NEBL: variants seen among roughly 807,000 people sequenced by gnomAD.
NEBL encodes the protein nebulette, also known as LIM and SH3 protein 2.
A neutral mutation model predicts 140.2 loss-of-function variants in NEBL; 122 were observed. The observed-to-expected ratio is 0.87, with a 90% CI of 0.75 to 1.01. The LOEUF is 1.01. Ranked by LOEUF, NEBL falls within the 50% of genes least tolerant of loss-of-function variation. The pLI is 0.00. For synonymous variants in NEBL, 436 were observed against 398.9 expected, an observed-to-expected ratio of 1.09 and a Z score of -1.11; for missense variants, 1,365 against 1,231.3, an observed-to-expected ratio of 1.11 and a Z score of -1.62.
chr10:21,001,884 T>C (rs564711905), intron 3 of NEBL, among the ~76,000 whole-genome samples: 1 of 152,280 alleles, frequency 6.6e-6, no homozygotes, highest in East Asian at 1.9e-4. Context: ...CACCACACCA[T>C]ATATAAGCAA....
intron 3 of NEBL, among the ~76,000 whole-genome samples, chr10:21,212,737 G>A (rs1450842291): frequency 6.6e-6 from 1 of 152,052 alleles, no homozygotes; most frequent in Non-Finnish European, 1.5e-5. Flanking sequence ...CTGGCTTCTC[G>A]TGTTTCGACA....
At chr10:21,035,141 G>A (rs984207876) in intron 2 of NEBL, among the ~76,000 whole-genome samples, 1 of 151,954 alleles carries the variant, frequency 6.6e-6, no homozygotes, top group Admixed American at 6.5e-5. Flanking sequence ...TGGATTGCAG[G>A]CGCCTGCCAC....
At chr10:20,791,823 G>A (rs147118893) in intron 26 of NEBL, among the ~76,000 whole-genome samples, 21 of 152,322 alleles carry the variant, frequency 1.4e-4, no homozygotes, top group African/African-American at 4.8e-4. Flanking sequence ...TCAAAAAGAA[G>A]TTCACTGGGG....
rs727503339 is a variant in NEBL at position 20,961,789 on chromosome 10, A to C, written c.250-10T>G. On this transcript the variant is annotated splice_polypyrimidine_tract_variant and intron_variant, in intron 3 of 6. Transcript: ENST00000417816. Reference sequence around the variant, plus strand: ...CTCTTTTGTACTTGACCTAACAAGAAGGGGGAAAAGAAAAGTGAACAGAGG... The same window carrying C: ...CTCTTTTGTACTTGACCTAACAAGACGGGGGAAAAGAAAAGTGAACAGAGG... 9.4e-6 allele frequency: 15 copies of C among 1,601,222 alleles called. No homozygotes were observed. Among genetic ancestry groups the C allele is most frequent in the Non-Finnish European group, 1.3e-5 (15 of 1,168,664 alleles).
intron 2 of NEBL, chr10:21,030,865 A>G: frequency 3.2e-6 from 1 of 317,020 alleles, no homozygotes; most frequent in Non-Finnish European, 6.2e-6. Flanking sequence ...CAAACCACTT[A>G]ACACCTGTAC....
At chr10:21,272,955 A>G (rs1286277502) in intron 1 of NEBL, among the ~76,000 whole-genome samples, 1 of 152,202 alleles carries the variant, frequency 6.6e-6, no homozygotes. Context: ...TTGGATGTAC[A>G]GAATAGACAA....
intron 9 of NEBL, 70 bp downstream of exon 9, chr10:20,858,170 G>T: frequency 8.2e-7 from 1 of 1,218,550 alleles, no homozygotes; most frequent in Non-Finnish European, 1.2e-6. Flanking sequence ...GTGAGCACAT[G>T]AACGCTGCAG....
intron 3 of NEBL, among the ~76,000 whole-genome samples, chr10:20,888,851 T>A (rs892151302): frequency 2.6e-5 from 4 of 152,360 alleles, no homozygotes; most frequent in African/African-American, 7.2e-5. Flanking sequence ...CAAGTATTTA[T>A]CTGCACGGGA....
At chr10:20,819,039 T>C (rs1839012502) in intron 20 of NEBL, 5 of 1,032,770 alleles carry the variant, frequency 4.8e-6, no homozygotes, top group Middle Eastern at 4.6e-4. Context: ...GATTCATCCA[T>C]ATAATTGCAT....
intron 3 of NEBL, among the ~76,000 whole-genome samples, chr10:21,204,221 T>A (rs978233737): frequency 6.6e-6 from 1 of 152,194 alleles, no homozygotes; most frequent in Non-Finnish European, 1.5e-5. Flanking sequence ...ACCCCCACTG[T>A]GGAGGGAGAA....
intron 2 of NEBL, among the ~76,000 whole-genome samples, chr10:21,088,154 C>T (rs1250473661): frequency 1.3e-5 from 2 of 152,188 alleles, no homozygotes; most frequent in Admixed American, 1.3e-4. Flanking sequence ...TTTCTCTCCA[C>T]ATTGTCAGTC....
intron 2 of NEBL, among the ~76,000 whole-genome samples, chr10:20,891,555 T>C (rs1410521137): frequency 6.6e-6 from 1 of 152,200 alleles, no homozygotes; most frequent in East Asian, 1.9e-4. Context: ...GGTATGTGCT[T>C]GTGGCTACAG....
intron 2 of NEBL, among the ~76,000 whole-genome samples, chr10:21,110,062 C>T (rs904997746): frequency 3.9e-5 from 6 of 152,046 alleles, no homozygotes; most frequent in African/African-American, 1.2e-4. Flanking sequence ...AATGTGTCTG[C>T]TCCTGCTTCT....
At chr10:20,872,927 C>T (rs1300569554) in intron 5 of NEBL, among the ~76,000 whole-genome samples, 4 of 152,214 alleles carry the variant, frequency 2.6e-5, no homozygotes, top group African/African-American at 9.6e-5. Flanking sequence ...CAGCAGCCTT[C>T]GGGGCTGCTC....
chr10:20,878,786 C>T (rs891751471), intron 5 of NEBL, among the ~76,000 whole-genome samples: 6 of 152,156 alleles, frequency 3.9e-5, no homozygotes, highest in East Asian at 3.9e-4. Context: ...AGCCTTCTCC[C>T]ATAAGTACAC....
chr10:20,876,596 G>A (rs951483205), intron 5 of NEBL, among the ~76,000 whole-genome samples: 1 of 152,142 alleles, frequency 6.6e-6, no homozygotes, highest in East Asian at 1.9e-4. Flanking sequence ...AGAACAGTAA[G>A]TCTTTCATTT....
At chr10:20,967,578 A>G (rs1201717456) in intron 3 of NEBL, among the ~76,000 whole-genome samples, 1 of 151,928 alleles carries the variant, frequency 6.6e-6, no homozygotes, top group Admixed American at 6.6e-5. Flanking sequence ...CAGTGAGCTG[A>G]TATCACACTG....
intron 2 of NEBL, among the ~76,000 whole-genome samples, chr10:21,022,814 C>T (rs1047737793): frequency 6.6e-6 from 1 of 152,190 alleles, no homozygotes; most frequent in African/African-American, 2.4e-5. Context: ...ATTTCTCACA[C>T]ACAGCATTCG....
chr10:21,001,637 T>C (rs1361556859), intron 3 of NEBL, among the ~76,000 whole-genome samples: 1 of 152,124 alleles, frequency 6.6e-6, no homozygotes, highest in Non-Finnish European at 1.5e-5. Flanking sequence ...CAACTTTTTT[T>C]TTTTTTGTCT....
Sources: gnomAD v4.1 joint callset for allele counts (sites outside exome capture counted in the v4.1 genomes callset) on GRCh38, gnomAD v4.1.1 for gene constraint, MANE v1.5 for transcripts, NCBI Gene and HGNC (gene_info 2026-07-23, HGNC 2026-07-21) for gene names.